ZNF644: variants seen among roughly 807,000 people sequenced by gnomAD.
ZNF644 encodes zinc finger protein 644.
Under a neutral mutation model 108.0 loss-of-function variants are expected in ZNF644, and 20 were observed. That is an observed-to-expected ratio of 0.19 (90% CI 0.13 to 0.27). The LOEUF is 0.27. Among genes scored for constraint, ZNF644 ranks in the 10% least tolerant of loss-of-function variants. The pLI, the probability that ZNF644 is intolerant of heterozygous loss-of-function variation, is 1.00. For synonymous variants in ZNF644, 542 were observed against 539.1 expected, an observed-to-expected ratio of 1.01 and a Z score of -0.08; for missense variants, 1,338 against 1,548.9, an observed-to-expected ratio of 0.86 and a Z score of 2.29.
At chr1:90,974,587 T>G (rs1655808820) in intron 2 of ZNF644, among the ~76,000 whole-genome samples, 1 of 152,162 alleles carries the variant, frequency 6.6e-6, no homozygotes, top group Non-Finnish European at 1.5e-5. Flanking sequence ...ATTCTCCTAC[T>G]CCCACCTCCA....
At chr1:90,969,786 A>G (rs1047815616) in intron 2 of ZNF644, among the ~76,000 whole-genome samples, 2 of 152,108 alleles carry the variant, frequency 1.3e-5, no homozygotes, top group Non-Finnish European at 2.9e-5. Flanking sequence ...AGATATGTGT[A>G]TGTAGGAAAA....
chr1:90,998,532 A>T (rs1658413655), intron 1 of ZNF644, among the ~76,000 whole-genome samples: 1 of 152,236 alleles, frequency 6.6e-6, no homozygotes, highest in Non-Finnish European at 1.5e-5. Context: ...CATCCACGCC[A>T]AAACCCCATC....
At chr1:90,929,986 G>A (rs373758352) in intron 4 of ZNF644, among the ~76,000 whole-genome samples, 10 of 152,224 alleles carry the variant, frequency 6.6e-5, no homozygotes, top group South Asian at 2.1e-4. Flanking sequence ...CTTCCAAAAC[G>A]TATCAAGAAA....
intron 2 of ZNF644, among the ~76,000 whole-genome samples, chr1:90,957,030 C>G (rs958037812): frequency 9.2e-5 from 14 of 151,706 alleles, no homozygotes; most frequent in Non-Finnish European, 1.8e-4. Flanking sequence ...TAACTGGATG[C>G]CAAAAAATTG....
chr1:90,970,948 C>T (rs1476153921), intron 2 of ZNF644, among the ~76,000 whole-genome samples: 1 of 138,096 alleles, frequency 7.2e-6, no homozygotes, highest in Non-Finnish European at 1.5e-5. Flanking sequence ...TACAGTGAGC[C>T]GAGATCACAC....
chr1:90,928,272 C>G (rs1389271794), intron 4 of ZNF644, among the ~76,000 whole-genome samples: 1 of 151,880 alleles, frequency 6.6e-6, no homozygotes, highest in Non-Finnish European at 1.5e-5. Context: ...CCTGCCTCAG[C>G]CTCCTGAGTA....
intron 4 of ZNF644, among the ~76,000 whole-genome samples, chr1:90,937,111 C>T (rs1295110137): frequency 6.6e-6 from 1 of 152,082 alleles, no homozygotes; most frequent in African/African-American, 2.4e-5. Flanking sequence ...CAGAGGTATG[C>T]CTTTTCAATA....
chr1:91,018,910 G>C (rs1348492057), intron 1 of ZNF644, among the ~76,000 whole-genome samples: 1 of 152,136 alleles, frequency 6.6e-6, no homozygotes, highest in Non-Finnish European at 1.5e-5. Context: ...AAGGTTGGCA[G>C]GTGACAGACC....
In ZNF644 at chr1:90,921,735, A is replaced by G. The variant is rs568085552; in HGVS notation, c.3689-3581T>C. Among the ~76,000 whole-genome samples, 11 of 151,922 alleles carry G rather than the reference A, an allele frequency of 7.2e-5. 1 individual carries two copies. In the South Asian group the frequency reaches 2.3e-3, roughly 32 times the overall value. ...GAGAATAAATTGAGCTGTAAGGTCA[A>G]ATGCAAAAAAAAAAAATAGAATATA... is the stretch of plus-strand genomic sequence containing the variant. On this transcript the variant is annotated intron_variant, in intron 4 of 5. Coordinates refer to ENST00000337393, the MANE Select transcript of ZNF644 (RefSeq NM_201269.3).
intron 4 of ZNF644, among the ~76,000 whole-genome samples, chr1:90,932,616 A>G (rs950110206): frequency 6.6e-6 from 1 of 152,170 alleles, no homozygotes; most frequent in African/African-American, 2.4e-5. Context: ...TAACAGTGAT[A>G]TTGATATGGG....
At chr1:90,974,796 A>T (rs1655833949) in intron 2 of ZNF644, among the ~76,000 whole-genome samples, 1 of 152,230 alleles carries the variant, frequency 6.6e-6, no homozygotes, top group South Asian at 2.1e-4. Flanking sequence ...TAAAACAGAT[A>T]GAATAAAGTC....
chr1:90,970,384 G>A (rs1655331372), intron 2 of ZNF644, among the ~76,000 whole-genome samples: 1 of 152,118 alleles, frequency 6.6e-6, no homozygotes, highest in Non-Finnish European at 1.5e-5. Flanking sequence ...ATAAACTTGG[G>A]AAACTTTTAA....
intron 1 of ZNF644, among the ~76,000 whole-genome samples, chr1:90,984,639 C>T (rs1057104059): frequency 1.3e-5 from 2 of 152,146 alleles, no homozygotes; most frequent in African/African-American, 4.8e-5. Flanking sequence ...GTGATCCACC[C>T]GCTTTGGCTT....
intron 2 of ZNF644, among the ~76,000 whole-genome samples, chr1:90,969,308 G>T (rs934936764): frequency 5.3e-5 from 8 of 152,090 alleles, no homozygotes; most frequent in African/African-American, 1.9e-4. Flanking sequence ...AGAGGCCTCA[G>T]GAGAAGCCAA....
intron 2 of ZNF644, among the ~76,000 whole-genome samples, chr1:90,977,500 A>G (rs940922827): frequency 6.6e-6 from 1 of 152,244 alleles, no homozygotes; most frequent in Non-Finnish European, 1.5e-5. Flanking sequence ...AATGAAGGTG[A>G]TATTTCAAAC....
chr1:90,993,920 T>C (rs1158661873), intron 1 of ZNF644, among the ~76,000 whole-genome samples: 3 of 152,216 alleles, frequency 2.0e-5, no homozygotes, highest in East Asian at 1.9e-4. Flanking sequence ...TTTTTACTAA[T>C]AGTAACCTTA....
At chr1:91,010,520 T>C (rs1002146336) in intron 1 of ZNF644, among the ~76,000 whole-genome samples, 2 of 151,788 alleles carry the variant, frequency 1.3e-5, no homozygotes, top group African/African-American at 2.4e-5. Context: ...CCAAAATATC[T>C]GTGCTTTTTT....
chr1:90,940,246 A>G lies in ZNF644; in HGVS notation c.1108T>C (p.Cys370Arg). 21 of 1,614,016 alleles carry G rather than the reference A, an allele frequency of 1.3e-5. No homozygotes were observed. The highest frequency in any genetic ancestry group is 1.7e-5 in the Non-Finnish European group (20 of 1,179,946). ...TGAACAGGTGAACTCTCTTCTCCAC[A>G]CTTATCTGGGTTATAAATTAGATGT... is the stretch of plus-strand genomic sequence containing the variant. ...FQHLIYNPDK[C>R]GEESSPVHTS... The change falls in exon 3 of 6, where the codon TGT becomes CGT. Residue 370 changes from cysteine to arginine, a missense_variant. Transcript: ENST00000337393.
chr1:91,021,599 G>A (rs1396577020), intron 1 of ZNF644: 1 of 159,228 alleles, frequency 6.3e-6, no homozygotes, highest in Non-Finnish European at 1.4e-5. Flanking sequence ...GCCCCTTTGT[G>A]TCCGCTACCG....
Sources: allele counts gnomAD v4.1 joint callset (sites outside exome capture counted in the v4.1 genomes callset), GRCh38; gene constraint gnomAD v4.1.1; transcripts MANE v1.5; gene names NCBI Gene and HGNC (gene_info 2026-07-23, HGNC 2026-07-21).